Variants in NEIL1 observed in about 807,000 individuals in gnomAD.
NEIL1 encodes endonuclease 8-like 1.
In NEIL1, 31 loss-of-function variants were observed where a neutral mutation model predicts 44.2. The observed-to-expected ratio is 0.70, with a 90% CI of 0.53 to 0.95. The LOEUF is 0.95. Ranked by LOEUF, NEIL1 falls within the 40% of genes least tolerant of loss-of-function variation. The pLI is 0.00. For missense variants in NEIL1, 549 were observed against 515.5 expected, an observed-to-expected ratio of 1.07 and a Z score of -0.63; for synonymous variants, 254 against 209.7, an observed-to-expected ratio of 1.21 and a Z score of -1.83.
chr15:75,348,946 T>C lies in NEIL1; in HGVS notation c.41T>C (p.Val14Ala). 1 of 1,613,324 alleles carries C rather than the reference T, an allele frequency of 6.2e-7. No homozygotes were observed. Among genetic ancestry groups the C allele is most frequent in the Non-Finnish European group, 8.5e-7 (1 of 1,180,006 alleles). ...GAGCTGCACCTGGCCAGCCAGTTTG[T>C]GAATGAGGCCTGCAGGGCGCTGGTG... is the stretch of plus-strand genomic sequence containing the variant. Reference protein sequence around the residue: ...GPELHLASQFVNEACRALVFG... With the variant: ...GPELHLASQFANEACRALVFG... Residue 14 changes from valine (V) to alanine (A), a missense_variant, in exon 2 of 10, where the codon GTG becomes GCG. Val to Ala is a moderately conservative substitution (Grantham distance 64). Transcript: ENST00000355059.
rs762589940 is a variant in NEIL1 at position 75,356,622 on chromosome 15, T to C, written c.*1588T>C. ...AGCACTCACCCTTGTGCGGCATCAG[T>C]GCATAGGTGAACTCGTGGCGCCCCG... On this transcript the variant is annotated 3_prime_UTR_variant, in exon 10 of 10. Transcript: ENST00000355059. The surrounding 1 kb of genome is among the most constrained non-coding windows in gnomAD (Gnocchi z 5.8). 3.2e-6 allele frequency: 5 copies of C among 1,563,934 alleles called. No homozygotes were observed. In the East Asian group the frequency reaches 9.5e-5, roughly 30 times the overall value.
In NEIL1 at chr15:75,356,531, G is replaced by A; in HGVS notation, c.*1497G>A. The A allele has an allele frequency of 6.4e-7, 1 of 1,552,086 alleles. No homozygotes were observed. Among genetic ancestry groups the A allele is most frequent in the Non-Finnish European group, 8.7e-7 (1 of 1,146,478 alleles). On this transcript the variant is annotated 3_prime_UTR_variant, in exon 10 of 10. Transcript: ENST00000355059. This position sits in a 1 kb window ranked among gnomAD's most constrained non-coding sequence, Gnocchi z 5.8. ...CCTAGAAGGGGCAGGAAGCCAGGTT[G>A]CTGGGGTTTGGGCTCAGGGAAGGGC...
chr15:75,352,720 G>C lies in NEIL1; in HGVS notation c.718+19G>C. 1 of 1,579,642 alleles carries C rather than the reference G, an allele frequency of 6.3e-7. No individual in the cohort carries two copies. ...CAGTTGGGTGAGGCCAAAGATGGCA[G>C]CAACCTCTGCTTCAGCAAATGATTG... is the stretch of plus-strand genomic sequence containing the variant. On this transcript the variant is annotated intron_variant, in intron 5 of 9. Transcript: ENST00000355059.
At chr15:75,352,581 C>G (rs754481245) in intron 4 of NEIL1, 21 bp from the exon 5 acceptor site, 1 of 1,607,168 alleles carries the variant, frequency 6.2e-7, no homozygotes, top group Non-Finnish European at 8.5e-7. Context: ...CAGACAGGTC[C>G]TGCCCCTGCC....
At chr15:75,348,478 G>A (rs1005440839) in intron 1 of NEIL1, 2 of 1,039,002 alleles carry the variant, frequency 1.9e-6, no homozygotes, top group Middle Eastern at 4.8e-4. Context: ...TCCCTCAGAT[G>A]GGGGGTCAGG....
At chr15:75,350,054 T>A (rs921732213) in intron 2 of NEIL1, among the ~76,000 whole-genome samples, 5 of 152,230 alleles carry the variant, frequency 3.3e-5, no homozygotes, top group Non-Finnish European at 7.3e-5. Context: ...TCTCATGACA[T>A]GGCTTCCGCC....
rs1055930715 is a variant in NEIL1 at position 75,348,387 on chromosome 15, G to A, written c.-22-497G>A. ...AAGTGTGGGGGGAGGGGGGCGCAGG[G>A]AGGGGCGGCCACGCGATCCTAAGAC... On this transcript the variant is annotated intron_variant, in intron 1 of 9. Coordinates refer to ENST00000355059, the MANE Select transcript of NEIL1 (RefSeq NM_024608.4). 7.1e-6 allele frequency: 7 copies of A among 986,376 alleles called. No individual in the cohort carries two copies. The African/African-American group carries it at 1.2e-4, about 17-fold the overall frequency. 61.1% of individuals were successfully genotyped at this position (986,376 alleles called of 1,614,324 possible).
chr15:75,348,656 A>C, intron 1 of NEIL1: 1 of 1,399,892 alleles, frequency 7.1e-7, no homozygotes. Flanking sequence ...GGTTAGCAGC[A>C]AGGCAGAGTC....
rs1257375713 is a variant in NEIL1, at chr15:75,355,038, G to A, written c.*4G>A. The A allele has an allele frequency of 6.2e-7, 1 of 1,613,276 alleles. No homozygotes were observed. On this transcript the variant is annotated 3_prime_UTR_variant, in exon 10 of 10. Coordinates refer to ENST00000355059, the MANE Select transcript of NEIL1 (RefSeq NM_024608.4). ...AGAGGGGACCTCAGCCTCTTAGCAG[G>A]AGGCTCTCCTTGCTTGCACTCACCC...
At chr15:75,354,348 T>A (rs369948630) in intron 7 of NEIL1, 71 bp downstream of exon 7, 443 of 1,611,284 alleles carry the variant, frequency 2.7e-4, no homozygotes, top group Admixed American at 5.0e-4. Context: ...TACAGCACCC[T>A]TCTCCACCCT....
chr15:75,349,062 G>C lies in NEIL1; in HGVS notation c.157G>C (p.Gly53Arg). The change falls in exon 2 of 10, where the codon GGC (glycine) becomes CGC (arginine). Residue 53 changes from glycine (G) to arginine (R), a missense_variant. Transcript: ENST00000355059. ...SAYRISASARGKELRLILSPL... is the reference protein window; with the variant it reads ...SAYRISASARRKELRLILSPL... ...CTACCGCATCTCAGCTTCAGCCCGC[G>C]GCAAGGAGCTGCGCCTGATACTGAG... 2 of 1,613,462 alleles carry C rather than the reference G, an allele frequency of 1.2e-6. No individual in the cohort carries two copies. Among genetic ancestry groups the C allele is most frequent in the Non-Finnish European group, 1.7e-6 (2 of 1,179,994 alleles).
At position 75,355,874 on chromosome 15, in the gene NEIL1, C is replaced by T. The variant is rs776077716; in HGVS notation, c.*840C>T. 5.0e-6 allele frequency: 8 copies of T among 1,613,474 alleles called. No individual in the cohort carries two copies. In the Admixed American group the frequency reaches 1.3e-4, roughly 27 times the overall value. The stretch of plus-strand genomic sequence containing the variant: ...AAGCAGAAATTAGGAGTCCCCAGAG[C>T]CTTCTACAAACAAAACCCCAGCCCC... On this transcript the variant is annotated 3_prime_UTR_variant, in exon 10 of 10. Transcript: ENST00000355059.
chr15:75,354,106 C>A, intron 6 of NEIL1, 144 bp from the exon 7 acceptor site: 1 of 1,085,860 alleles, frequency 9.2e-7, no homozygotes, highest in Non-Finnish European at 1.4e-6. Flanking sequence ...CTGATGTGGA[C>A]TCTAACATGG....
intron 1 of NEIL1, chr15:75,347,803 G>A (rs572756072): frequency 1.6e-5 from 18 of 1,137,914 alleles, no homozygotes; most frequent in South Asian, 1.5e-4. Flanking sequence ...GGGGAGGACG[G>A]GCCCGAGAGC....
Position 75,356,178 on chromosome 15 carries a change from C to T in NEIL1, c.*1144C>T. 6.2e-7 allele frequency: 1 copy of T among 1,613,644 alleles called. No individual in the cohort carries two copies. Among genetic ancestry groups the T allele is most frequent in the Non-Finnish European group, 8.5e-7 (1 of 1,179,986 alleles). On this transcript the variant is annotated 3_prime_UTR_variant, in exon 10 of 10. Coordinates refer to ENST00000355059, the MANE Select transcript of NEIL1 (RefSeq NM_024608.4). The surrounding 1 kb of genome is among the most constrained non-coding windows in gnomAD (Gnocchi z 5.8). Reference sequence around the variant, plus strand: ...CCACGTGGCTGCCGTGGGCCTCATACAGCCTCAGGACCAGCGAGCGGCGCT... The same window carrying T: ...CCACGTGGCTGCCGTGGGCCTCATATAGCCTCAGGACCAGCGAGCGGCGCT...
intron 1 of NEIL1, chr15:75,348,519 A>G: frequency 9.0e-7 from 1 of 1,117,048 alleles, no homozygotes; most frequent in Non-Finnish European, 1.1e-6. Flanking sequence ...GGACAGAGGG[A>G]CAGCAGGGGC....
At position 75,349,279 on chromosome 15, in the gene NEIL1, T is replaced by C. The variant is rs749486432; in HGVS notation, c.374T>C (p.Leu125Pro). Residue 125 changes from leucine (L) to proline (P), a missense_variant, in exon 2 of 10, where the codon CTT becomes CCT. Transcript: ENST00000355059. ...ATCCGCCGGTTCGGCCGCTGGGACC[T>C]TGGGGGAAAGTGGCAGCCGGGCCGC... ...VDIRRFGRWD[L>P]GGKWQPGRGP... 15 of 1,611,816 alleles carry C rather than the reference T, an allele frequency of 9.3e-6. No homozygotes were observed. The highest frequency in any genetic ancestry group is 5.5e-5 in the South Asian group (5 of 91,012).
In NEIL1 at chr15:75,355,280, G is replaced by A; in HGVS notation, c.*246G>A. 1 of 484,882 alleles carries A rather than the reference G, an allele frequency of 2.1e-6. No individual in the cohort carries two copies. Among genetic ancestry groups the A allele is most frequent in the South Asian group, 2.3e-5 (1 of 43,542 alleles). 30.0% of individuals were successfully genotyped at this position (484,882 alleles called of 1,614,324 possible). A position where few individuals can be genotyped will look rare whatever the true frequency, so the allele number is the denominator to read the frequency against. ...GCACCTCTTGGTCTGAGATGGCCAG[G>A]TAGGAAGGGCCTGCTGTCCGGTCCT... On this transcript the variant is annotated 3_prime_UTR_variant, in exon 10 of 10. Transcript: ENST00000355059.
chr15:75,356,498 C>T lies in NEIL1; in HGVS notation c.*1464C>T, dbSNP rs1332726497. The T allele has an allele frequency of 1.9e-6, 3 of 1,567,418 alleles. No homozygotes were observed. The highest frequency in any genetic ancestry group is 1.9e-5 in the Admixed American group (1 of 52,266). ...GCTGGTGGAGAATGGGGGCTACCCTCCCCTGTCCCTAGAAGGGGCAGGAAG... is the reference window on the plus strand; with the variant it reads ...GCTGGTGGAGAATGGGGGCTACCCTTCCCTGTCCCTAGAAGGGGCAGGAAG... On this transcript the variant is annotated 3_prime_UTR_variant, in exon 10 of 10. Transcript: ENST00000355059. The surrounding 1 kb of genome is among the most constrained non-coding windows in gnomAD (Gnocchi z 5.8).
Sources: gnomAD v4.1 joint callset for allele counts (sites outside exome capture counted in the v4.1 genomes callset) on GRCh38, gnomAD v4.1.1 for gene constraint, Gnocchi (gnomAD v3.1) non-coding constraint, MANE v1.5 for transcripts, NCBI Gene and HGNC (gene_info 2026-07-23, HGNC 2026-07-21) for gene names.